SEMA6D: variants seen among roughly 807,000 people sequenced by gnomAD.
The protein encoded by SEMA6D is semaphorin-6D.
Under a neutral mutation model 106.6 loss-of-function variants are expected in SEMA6D, and 35 were observed. The observed-to-expected ratio is 0.33, with a 90% CI of 0.25 to 0.44. The LOEUF is 0.44. Among genes scored for constraint, SEMA6D ranks in the 20% least tolerant of loss-of-function variants. The pLI, the probability that SEMA6D is intolerant of heterozygous loss-of-function variation, is 1.00. For synonymous variants in SEMA6D, 499 were observed against 487.7 expected (o/e 1.02, Z -0.31); for missense variants, 1,185 against 1,345.9 (o/e 0.88, Z 1.87).
intron 2 of SEMA6D, among the ~76,000 whole-genome samples, chr15:47,464,661 T>C (rs769891541): frequency 7.9e-5 from 12 of 152,122 alleles, no homozygotes; most frequent in Non-Finnish European, 1.6e-4. Context: ...AGCTAAAATT[T>C]TATTGAATTA....
At chr15:47,525,798 CT>C (rs1009439920) in intron 3 of SEMA6D, among the ~76,000 whole-genome samples, 2 of 152,098 alleles carry the variant, frequency 1.3e-5, no homozygotes, top group African/African-American at 4.8e-5. Flanking sequence ...GCAAGGGAGC[CT>C]TGCAGGGGTC....
intron 1 of SEMA6D, among the ~76,000 whole-genome samples, chr15:47,191,178 C>CATATATATAT (rs71425589): frequency 1.3e-4 from 19 of 148,706 alleles, no homozygotes; most frequent in African/African-American, 4.4e-4. Context: ...TGTCTCAAAA[C>CATATATATAT]ATATATATAT....
intron 1 of SEMA6D, among the ~76,000 whole-genome samples, chr15:47,216,122 A>C (rs2030572637): frequency 6.6e-6 from 1 of 152,102 alleles, no homozygotes; most frequent in African/African-American, 2.4e-5. Context: ...TTTTTCTTTT[A>C]AAAATACTAC....
chr15:47,516,374 C>T (rs1195068774), intron 3 of SEMA6D, among the ~76,000 whole-genome samples: 1 of 152,068 alleles, frequency 6.6e-6, no homozygotes, highest in African/African-American at 2.4e-5. Context: ...TATTTGCTCC[C>T]AAAAGATCAT....
At position 47,225,188 on chromosome 15, in the gene SEMA6D, T is replaced by C. The variant is rs1477967069; in HGVS notation, c.-239+40770T>C. Among the ~76,000 whole-genome samples the C allele has an allele frequency of 2.6e-5, 4 of 152,106 alleles. No homozygotes were observed. In the East Asian group the frequency reaches 7.8e-4, roughly 30 times the overall value. ...ATACACCCTGCCCCCTCCATGTGCT[T>C]CTTAGCAGATGGTAAGAGTATGTTT... On this transcript the variant is annotated intron_variant, in intron 1 of 19. Coordinates refer to the SEMA6D transcript ENST00000558014.
At chr15:47,439,839 T>C (rs1304772583) in intron 2 of SEMA6D, among the ~76,000 whole-genome samples, 2 of 152,108 alleles carry the variant, frequency 1.3e-5, no homozygotes, top group East Asian at 3.9e-4. Flanking sequence ...GCAAAAAATT[T>C]TTCCAGAAGA....
chr15:47,580,610 G>GT (rs940211728), intron 3 of SEMA6D, among the ~76,000 whole-genome samples: 1 of 151,952 alleles, frequency 6.6e-6, no homozygotes, highest in African/African-American at 2.4e-5. Context: ...GCAAAGAGAA[G>GT]TATGTCGAAA....
At chr15:47,683,777 G>A (rs924505602) in intron 4 of SEMA6D, among the ~76,000 whole-genome samples, 12 of 152,156 alleles carry the variant, frequency 7.9e-5, no homozygotes, top group Non-Finnish European at 1.3e-4. Flanking sequence ...CTATTCCCTG[G>A]GAGTCCAGGC....
intron 3 of SEMA6D, among the ~76,000 whole-genome samples, chr15:47,589,019 G>C (rs1342632606): frequency 6.6e-6 from 1 of 152,130 alleles, no homozygotes; most frequent in Non-Finnish European, 1.5e-5. Flanking sequence ...CCCAACAAAG[G>C]ATTATCCGGC....
chr15:47,190,843 C>T (rs1048190559), intron 1 of SEMA6D, among the ~76,000 whole-genome samples: 2 of 152,086 alleles, frequency 1.3e-5, no homozygotes, highest in African/African-American at 4.8e-5. Flanking sequence ...AAGAAACTCT[C>T]TTTTTGAAGG....
chr15:47,724,831 A>G (rs1430493097), intron 1 of SEMA6D, among the ~76,000 whole-genome samples: 2 of 152,220 alleles, frequency 1.3e-5, no homozygotes, highest in African/African-American at 2.4e-5. Context: ...AATAGGATCA[A>G]TCTTGTGGCA....
intron 16 of SEMA6D, 84 bp from the exon 17 acceptor site, chr15:47,766,953 A>C: frequency 4.4e-6 from 3 of 683,376 alleles, no homozygotes; most frequent in Non-Finnish European, 7.1e-6. Flanking sequence ...TTTTTTTTTT[A>C]CTTTTTTAGT....
At chr15:47,683,267 G>C (rs970474439) in intron 4 of SEMA6D, among the ~76,000 whole-genome samples, 1 of 152,042 alleles carries the variant, frequency 6.6e-6, no homozygotes, top group Non-Finnish European at 1.5e-5. Flanking sequence ...ATGTCCATGT[G>C]TACCCATTGC....
intron 1 of SEMA6D, among the ~76,000 whole-genome samples, chr15:47,360,525 G>A (rs1459799729): frequency 6.6e-6 from 1 of 152,220 alleles, no homozygotes; most frequent in Non-Finnish European, 1.5e-5. Flanking sequence ...GAATAGCACA[G>A]ATGTGGAACA....
intron 4 of SEMA6D, among the ~76,000 whole-genome samples, chr15:47,653,762 C>T (rs182317238): frequency 1.3e-4 from 20 of 152,244 alleles, no homozygotes; most frequent in East Asian, 5.8e-4. Context: ...TCTTGTATGC[C>T]GCATAGTAAA....
At chr15:47,488,271 A>G (rs1046394738) in intron 3 of SEMA6D, among the ~76,000 whole-genome samples, 6 of 152,150 alleles carry the variant, frequency 3.9e-5, no homozygotes, top group Non-Finnish European at 8.8e-5. Context: ...CCCTTCTCCC[A>G]GCTGTCAACA....
chr15:47,306,272 C>A (rs1044438207), intron 1 of SEMA6D, among the ~76,000 whole-genome samples: 1 of 152,142 alleles, frequency 6.6e-6, no homozygotes, highest in Non-Finnish European at 1.5e-5. Flanking sequence ...TATGAGCCAC[C>A]GCGCCTGGCC....
intron 1 of SEMA6D, among the ~76,000 whole-genome samples, chr15:47,236,646 C>T (rs1410379874): frequency 6.6e-6 from 1 of 152,020 alleles, no homozygotes; most frequent in Non-Finnish European, 1.5e-5. Context: ...CCTGCTGTTG[C>T]TAGAGGTTAT....
chr15:47,491,240 A>G (rs12440756), intron 3 of SEMA6D, among the ~76,000 whole-genome samples: 38,470 of 152,108 alleles, frequency 0.25, 5,282 homozygotes, highest in Middle Eastern at 0.44. Flanking sequence ...ACAACTAGAA[A>G]CAACCAAGAT....
Sources: allele counts gnomAD v4.1 joint callset (sites outside exome capture counted in the v4.1 genomes callset), GRCh38; gene constraint gnomAD v4.1.1; transcripts MANE v1.5; gene names NCBI Gene and HGNC (gene_info 2026-07-23, HGNC 2026-07-21).